Variants in GRID2 observed in about 807,000 individuals in gnomAD.
The protein encoded by GRID2 is glutamate ionotropic receptor delta type subunit 2.
A neutral mutation model predicts 114.8 loss-of-function variants in GRID2; 33 were observed. The observed-to-expected ratio is 0.29, with a 90% confidence interval of 0.22 to 0.38. The LOEUF (loss-of-function observed/expected upper bound fraction) is 0.38, where lower values mean the gene tolerates loss of function less well. GRID2 is among the 10% of genes least tolerant of loss of function. GRID2 has a pLI of 1.00. For synonymous variants in GRID2, 505 were observed against 449.9 expected, an observed-to-expected ratio of 1.12 and a Z score of -1.55; for missense variants, 1,184 against 1,257.7, an observed-to-expected ratio of 0.94 and a Z score of 0.89.
intron 2 of GRID2, among the ~76,000 whole-genome samples, chr4:92,611,832 T>C (rs1203132339): frequency 6.6e-6 from 1 of 151,586 alleles, no homozygotes; most frequent in Admixed American, 6.6e-5. Flanking sequence ...CATACATATT[T>C]ATTTGAGGTT....
chr4:93,452,008 T>A (rs1434953100), intron 10 of GRID2, among the ~76,000 whole-genome samples: 1 of 152,150 alleles, frequency 6.6e-6, no homozygotes, highest in African/African-American at 2.4e-5. Flanking sequence ...AGAGCTCAGA[T>A]ACACATCTAG....
intron 14 of GRID2, among the ~76,000 whole-genome samples, chr4:93,708,872 T>C (rs1336172008): frequency 6.6e-6 from 1 of 152,040 alleles, no homozygotes; most frequent in East Asian, 1.9e-4. Flanking sequence ...TACAGAGTTT[T>C]TGATTTAAGG....
intron 8 of GRID2, among the ~76,000 whole-genome samples, chr4:93,317,660 G>A (rs553396870): frequency 3.4e-4 from 52 of 151,894 alleles, no homozygotes; most frequent in Non-Finnish European, 5.9e-4. Context: ...CACATCAGTT[G>A]AAGAATATGA....
intron 2 of GRID2, among the ~76,000 whole-genome samples, chr4:92,991,187 T>A (rs1260302808): frequency 6.6e-6 from 1 of 152,206 alleles, no homozygotes; most frequent in Non-Finnish European, 1.5e-5. Flanking sequence ...ACCCTGACTT[T>A]GTTTAAATTT....
At chr4:92,762,010 C>T (rs1270663537) in intron 2 of GRID2, among the ~76,000 whole-genome samples, 1 of 152,120 alleles carries the variant, frequency 6.6e-6, no homozygotes, top group Non-Finnish European at 1.5e-5. Flanking sequence ...CTCACTGCAA[C>T]CTCCAACTCC....
intron 2 of GRID2, among the ~76,000 whole-genome samples, chr4:92,954,587 C>T (rs368925798): frequency 4.6e-5 from 7 of 151,336 alleles, no homozygotes; most frequent in East Asian, 1.9e-4. Context: ...CCACCATGCC[C>T]GGCTAATTTT....
At chr4:92,323,390 C>A (rs773585511) in intron 1 of GRID2, among the ~76,000 whole-genome samples, 3 of 152,144 alleles carry the variant, frequency 2.0e-5, no homozygotes, top group South Asian at 4.1e-4. Flanking sequence ...ATTTATTCAA[C>A]CTCTACAAAC....
At chr4:92,475,513 A>G (rs1722263264) in intron 1 of GRID2, among the ~76,000 whole-genome samples, 1 of 151,696 alleles carries the variant, frequency 6.6e-6, no homozygotes, top group South Asian at 2.1e-4. Flanking sequence ...GTCTGTCTGC[A>G]TTGTTCTGTT....
chr4:93,583,353 AAAAT>A (rs1560778211), intron 13 of GRID2, among the ~76,000 whole-genome samples: 1 of 152,168 alleles, frequency 6.6e-6, no homozygotes, highest in African/African-American at 2.4e-5. Context: ...CTTTGCTTAA[AAAAT>A]AAATAACAGC....
chr4:93,533,245 TCTTCCTTCCTTCCTTCCTTCCTTCCTTC>T (rs755045834), intron 13 of GRID2, among the ~76,000 whole-genome samples: 2,584 of 105,784 alleles, frequency 0.024, 58 homozygotes, highest in African/African-American at 0.047. Flanking sequence ...TTTCTTTCTC[TCTTCCTTCCTTCCTTCCTTCCTTCCTTC>T]CTTCCTTCCT....
intron 1 of GRID2, among the ~76,000 whole-genome samples, chr4:92,318,309 T>TATA (rs1491453818): frequency 0.023 from 2,649 of 112,984 alleles, 17 homozygotes; most frequent in African/African-American, 0.04. Flanking sequence ...TATATATATA[T>TATA]TTTTTTTTTT....
intron 2 of GRID2, among the ~76,000 whole-genome samples, chr4:92,833,240 C>T (rs1373083501): frequency 6.6e-6 from 1 of 152,150 alleles, no homozygotes; most frequent in Admixed American, 6.6e-5. Context: ...ATAAAATCAT[C>T]TGACATGGAC....
At chr4:93,452,363 T>C (rs1181459178) in intron 10 of GRID2, among the ~76,000 whole-genome samples, 1 of 152,152 alleles carries the variant, frequency 6.6e-6, no homozygotes, top group Non-Finnish European at 1.5e-5. Context: ...AAAAGAGTTT[T>C]CTCAGAGTGA....
intron 2 of GRID2, among the ~76,000 whole-genome samples, chr4:92,759,646 C>T (rs180868737): frequency 3.3e-5 from 5 of 152,014 alleles, no homozygotes; most frequent in African/African-American, 1.2e-4. Context: ...CTTTTGTTGC[C>T]CAGGCTGGAG....
At chr4:92,491,167 T>C (rs867023039) in intron 1 of GRID2, among the ~76,000 whole-genome samples, 2 of 152,158 alleles carry the variant, frequency 1.3e-5, no homozygotes, top group Non-Finnish European at 2.9e-5. Flanking sequence ...ATCACTATTT[T>C]TGAAAATAAT....
intron 1 of GRID2, among the ~76,000 whole-genome samples, chr4:92,353,625 T>C (rs188443581): frequency 2.0e-5 from 3 of 152,136 alleles, no homozygotes; most frequent in African/African-American, 7.2e-5. Flanking sequence ...GAAGTTTTCT[T>C]GAACACCAGT....
intron 1 of GRID2, among the ~76,000 whole-genome samples, chr4:92,364,032 G>A (rs1007732629): frequency 5.9e-5 from 9 of 151,770 alleles, no homozygotes; most frequent in Non-Finnish European, 7.4e-5. Context: ...TGTTGCCCAG[G>A]CTGGTCTCGA....
chr4:92,443,855 A>G (rs902992117), intron 1 of GRID2, among the ~76,000 whole-genome samples: 3 of 152,320 alleles, frequency 2.0e-5, no homozygotes, highest in Non-Finnish European at 4.4e-5. Flanking sequence ...GCAATGATTA[A>G]ACACCAAGGG....
At chr4:92,704,419 G>A (rs1406714540) in intron 2 of GRID2, among the ~76,000 whole-genome samples, 1 of 152,062 alleles carries the variant, frequency 6.6e-6, no homozygotes, top group East Asian at 1.9e-4. Context: ...TTAATCATTT[G>A]TCATTTTGTT....
Sources: gnomAD v4.1 joint callset for allele counts (sites outside exome capture counted in the v4.1 genomes callset) on GRCh38, gnomAD v4.1.1 for gene constraint, MANE v1.5 for transcripts, NCBI Gene and HGNC (gene_info 2026-07-23, HGNC 2026-07-21) for gene names.